SLC25A24: variants seen among roughly 807,000 people sequenced by gnomAD.
The protein encoded by SLC25A24 is mitochondrial adenyl nucleotide antiporter SLC25A24.
SLC25A24 carries 49 observed loss-of-function variants against 60.7 expected under a neutral mutation model. That is an observed-to-expected ratio of 0.81 (90% CI 0.64 to 1.02). SLC25A24 has a LOEUF of 1.02. SLC25A24 is among the 50% of genes least tolerant of loss of function. The pLI is 0.00. For synonymous variants in SLC25A24, 202 were observed against 200.6 expected (o/e 1.01, Z -0.06); for missense variants, 564 against 586.3 (o/e 0.96, Z 0.39).
chr1:108,155,935 G>C (rs567053067), intron 5 of SLC25A24, among the ~76,000 whole-genome samples: 1 of 145,248 alleles, frequency 6.9e-6, no homozygotes, highest in Admixed American at 7.0e-5. Context: ...CACATAAAAG[G>C]GGTGACTACC....
intron 2 of SLC25A24, among the ~76,000 whole-genome samples, chr1:108,183,156 A>C (rs1245994794): frequency 6.6e-6 from 1 of 152,162 alleles, no homozygotes; most frequent in Non-Finnish European, 1.5e-5. Flanking sequence ...AAAAAGAGGA[A>C]GACCAAAATT....
At chr1:108,184,534 G>T (rs1648052183) in intron 2 of SLC25A24, among the ~76,000 whole-genome samples, 1 of 152,196 alleles carries the variant, frequency 6.6e-6, no homozygotes, top group Admixed American at 6.5e-5. Flanking sequence ...ATCATCTAGA[G>T]TTTAGTTTGT....
In SLC25A24 at chr1:108,136,558, T is replaced by C; in HGVS notation, c.*95A>G. The C allele has an allele frequency of 9.1e-7, 1 of 1,094,458 alleles. No individual in the cohort carries two copies. 67.8% of individuals were successfully genotyped at this position (1,094,458 alleles called of 1,614,324 possible). Reference sequence around the variant, plus strand: ...TCCCTTTTGTGAAAAAAATGCAGCTTCTTTTGCCATAGACTTGTTTCAATT... The same window carrying C: ...TCCCTTTTGTGAAAAAAATGCAGCTCCTTTTGCCATAGACTTGTTTCAATT... On this transcript the variant is annotated 3_prime_UTR_variant, in exon 10 of 10. Coordinates refer to ENST00000565488, the MANE Select transcript of SLC25A24 (RefSeq NM_013386.5).
intron 5 of SLC25A24, among the ~76,000 whole-genome samples, chr1:108,156,699 A>G (rs1472025348): frequency 6.6e-6 from 1 of 152,220 alleles, no homozygotes; most frequent in Non-Finnish European, 1.5e-5. Flanking sequence ...ATTATCACAT[A>G]CCTGATATTG....
chr1:108,171,410 G>T (rs553450586), intron 3 of SLC25A24, among the ~76,000 whole-genome samples: 1 of 152,202 alleles, frequency 6.6e-6, no homozygotes, highest in African/African-American at 2.4e-5. Context: ...TCATATTCAT[G>T]GATGTTTCCA....
chr1:108,170,688 TA>T (rs1455856668), intron 3 of SLC25A24, among the ~76,000 whole-genome samples: 3 of 151,978 alleles, frequency 2.0e-5, no homozygotes, highest in African/African-American at 4.8e-5. Flanking sequence ...TTTTACTATA[TA>T]ATCTATTATT....
At chr1:108,139,854 C>T (rs947250145) in intron 8 of SLC25A24, among the ~76,000 whole-genome samples, 5 of 152,002 alleles carry the variant, frequency 3.3e-5, no homozygotes, top group African/African-American at 4.8e-5. Flanking sequence ...TCAGGTGATC[C>T]GCCCGCCTCG....
intron 9 of SLC25A24, among the ~76,000 whole-genome samples, chr1:108,137,243 C>G (rs1294911341): frequency 6.6e-6 from 1 of 152,110 alleles, no homozygotes; most frequent in African/African-American, 2.4e-5. Context: ...CACTTTCCAC[C>G]ACCCCACAGT....
intron 3 of SLC25A24, among the ~76,000 whole-genome samples, chr1:108,170,745 C>G (rs1390676363): frequency 1.3e-5 from 2 of 151,486 alleles, no homozygotes. Context: ...ACATAGCTAC[C>G]CCAGCTTTTT....
rs753499519 is a variant in SLC25A24, at chr1:108,181,937, T to C, written c.398+4A>G. ...TCAATTGTTGACCAACATGAAGAGC[T>C]TACCTTTGAAGAATCAACTCTGCTT... is the stretch of plus-strand genomic sequence containing the variant. On this transcript the variant is annotated splice_donor_region_variant and intron_variant, in intron 3 of 9. Coordinates refer to ENST00000565488, the MANE Select transcript of SLC25A24 (RefSeq NM_013386.5). 1 of 1,598,688 alleles carries C rather than the reference T, an allele frequency of 6.3e-7. No individual in the cohort carries two copies. Among genetic ancestry groups the C allele is most frequent in the Non-Finnish European group, 8.6e-7 (1 of 1,166,766 alleles).
At position 108,157,597 on chromosome 1, in the gene SLC25A24, T is replaced by A. The variant is rs745423891; in HGVS notation, c.534A>T (p.Leu178Phe). 3.1e-6 allele frequency: 5 copies of A among 1,614,092 alleles called. No homozygotes were observed. The Admixed American group carries it at 6.7e-5, about 22-fold the overall frequency. The change falls in exon 5 of 10, where the codon TTA becomes TTT. Residue 178 changes from leucine (L) to phenylalanine (F), a missense_variant. Transcript: ENST00000565488. ...HSTGIDIGDS[L>F]TIPDEFTEDE... ...CTTCCGTGAATTCATCTGGAATAGTTAAGCTATCCCCTATGTCAATTCCCT... is the reference window on the plus strand; with the variant it reads ...CTTCCGTGAATTCATCTGGAATAGTAAAGCTATCCCCTATGTCAATTCCCT...
chr1:108,182,009 T>A lies in SLC25A24; in HGVS notation c.330A>T (p.Glu110Asp). ...CCAGTGTCTGGAGAGACTGGACAAT[T>A]TCTGAAGCCTCAATTTTTCCTTTAA... ...KNNDGKIEAS[E>D]IVQSLQTLGL... The change falls in exon 3 of 10, where the codon GAA (glutamate) becomes GAT (aspartate). Residue 110 changes from glutamate (E) to aspartate (D), a missense_variant. By Grantham distance (45) the Glu-to-Asp change is conservative. Coordinates refer to ENST00000565488, the MANE Select transcript of SLC25A24 (RefSeq NM_013386.5). 1.2e-6 allele frequency: 2 copies of A among 1,610,708 alleles called. No homozygotes were observed. The highest frequency in any genetic ancestry group is 1.1e-5 in the South Asian group (1 of 90,762).
rs1409537553 is a variant in SLC25A24 at position 108,190,761 on chromosome 1, C to T, written c.184-4807G>A. ...AATTTTCCTACTGGGGAGGTGGAGA[C>T]GTGTGGGAAGAGACCTCACATCAAA... On this transcript the variant is annotated intron_variant, in intron 1 of 9. Coordinates refer to ENST00000565488, the MANE Select transcript of SLC25A24 (RefSeq NM_013386.5). Among the ~76,000 whole-genome samples, 4 of 92,780 alleles carry T rather than the reference C, an allele frequency of 4.3e-5. 1 individual carries two copies. The East Asian group carries it at 2.6e-3, about 61-fold the overall frequency. The allele number at this position is 92,780 out of a possible 152,430, so 60.9% of individuals were successfully genotyped here.
At chr1:108,199,234 T>C (rs1417807032) in intron 1 of SLC25A24, 1 of 152,136 alleles carries the variant, frequency 6.6e-6, no homozygotes. Flanking sequence ...TTTCCCTCTT[T>C]GGATAAGAGA....
At chr1:108,151,478 A>G (rs567296093) in intron 6 of SLC25A24, among the ~76,000 whole-genome samples, 1 of 152,152 alleles carries the variant, frequency 6.6e-6, no homozygotes, top group Non-Finnish European at 1.5e-5. Context: ...TATTCTTATT[A>G]TATTCACTAC....
chr1:108,161,437 T>C (rs1003550714), intron 3 of SLC25A24, 144 bp from the exon 4 acceptor site: 4 of 599,488 alleles, frequency 6.7e-6, no homozygotes, highest in East Asian at 3.1e-5. Flanking sequence ...ATATAGGTTG[T>C]TGGAAATGGC....
chr1:108,143,498 A>C, intron 8 of SLC25A24, 45 bp downstream of exon 8: 1 of 1,524,502 alleles, frequency 6.6e-7, no homozygotes, highest in Non-Finnish European at 8.9e-7. Flanking sequence ...AATTCTAACA[A>C]GATCTAACTG....
chr1:108,151,063 T>C, intron 6 of SLC25A24, among the ~76,000 whole-genome samples: 1 of 151,944 alleles, frequency 6.6e-6, no homozygotes, highest in Admixed American at 6.6e-5. Context: ...TAGCTGGGTG[T>C]TGTGGTGCAC....
At chr1:108,138,626 C>G (rs928907785) in intron 9 of SLC25A24, among the ~76,000 whole-genome samples, 1 of 152,048 alleles carries the variant, frequency 6.6e-6, no homozygotes, top group African/African-American at 2.4e-5. Context: ...CACCATTTAC[C>G]AAAAATTTAA....
Sources: gnomAD v4.1 joint callset for allele counts (sites outside exome capture counted in the v4.1 genomes callset) on GRCh38, gnomAD v4.1.1 for gene constraint, MANE v1.5 for transcripts, NCBI Gene and HGNC (gene_info 2026-07-23, HGNC 2026-07-21) for gene names.